The following ZNF560 variants were observed in gnomAD, a reference collection of about 807,000 sequenced individuals.
The protein encoded by ZNF560 is zinc finger protein 560.
A neutral mutation model predicts 81.8 loss-of-function variants in ZNF560; 54 were observed. The observed-to-expected ratio is 0.66, with a 90% CI of 0.53 to 0.83. The LOEUF is 0.83. Among genes scored for constraint, ZNF560 ranks in the 40% least tolerant of loss-of-function variants. ZNF560 has a pLI of 0.00. For missense variants in ZNF560, 940 were observed against 932.4 expected (o/e 1.01, Z -0.11); for synonymous variants, 321 against 317.9 (o/e 1.01, Z -0.10).
chr19:9,481,622 C>T (rs2073290430), intron 2 of ZNF560, among the ~76,000 whole-genome samples: 4 of 152,154 alleles, frequency 2.6e-5, no homozygotes, highest in African/African-American at 9.7e-5. Context: ...AGGACATGAA[C>T]AGACACTTTT....
intron 8 of ZNF560, 124 bp from the exon 9 acceptor site, chr19:9,469,311 TAG>T: frequency 4.3e-6 from 3 of 701,496 alleles, no homozygotes; most frequent in Non-Finnish European, 7.1e-6. Context: ...GGTCAAGTTT[TAG>T]TAATTTTTAA....
At chr19:9,460,164 G>A in the ZNF560 span, among the ~76,000 whole-genome samples, 1 of 152,234 alleles carries the variant, frequency 6.6e-6, no homozygotes, top group African/African-American at 2.4e-5. Flanking sequence ...CGAGGAAGAG[G>A]TTTTGGGAGG....
In ZNF560 at chr19:9,498,600, G is replaced by C. The variant is rs2073600717; in HGVS notation, c.-207C>G. 2 of 152,308 alleles carry C rather than the reference G, an allele frequency of 1.3e-5. No individual in the cohort carries two copies. The highest frequency in any genetic ancestry group is 2.4e-5 in the African/African-American group (1 of 41,458). 9.4% of individuals were successfully genotyped at this position (152,308 alleles called of 1,614,324 possible). A position where few individuals can be genotyped will look rare whatever the true frequency, so the allele number is the denominator to read the frequency against. On this transcript the variant is annotated 5_prime_UTR_variant, in exon 1 of 10. Coordinates refer to ENST00000301480, the MANE Select transcript of ZNF560 (RefSeq NM_152476.3). ...TGGCTCTGAGGAAACAGGCGCCAGC[G>C]ACCAAAAGAGAGAACTGGCGCGCCG...
At chr19:9,462,902 T>C (rs911512231), downstream of ZNF560, among the ~76,000 whole-genome samples, 1 of 152,168 alleles carries the variant, frequency 6.6e-6, no homozygotes, top group Non-Finnish European at 1.5e-5. Context: ...TTCAATAAAT[T>C]CTTAAGCCAT....
At chr19:9,489,309 C>T (rs1231266364) in intron 2 of ZNF560, among the ~76,000 whole-genome samples, 6 of 151,634 alleles carry the variant, frequency 4.0e-5, no homozygotes, top group African/African-American at 1.5e-4. Context: ...AGGCACTCCT[C>T]ACTTCCTAGA....
downstream of ZNF560, among the ~76,000 whole-genome samples, chr19:9,465,921 G>T (rs541966493): frequency 1.1e-4 from 16 of 152,180 alleles, no homozygotes; most frequent in African/African-American, 3.9e-4. Context: ...TTGAACCCAG[G>T]AGGCGGAGGT....
chr19:9,483,515 G>A (rs1158941966), intron 2 of ZNF560, among the ~76,000 whole-genome samples: 20 of 147,030 alleles, frequency 1.4e-4, no homozygotes, highest in Admixed American at 5.4e-4. Context: ...CCGGCCAGCC[G>A]CCCCGTCCGG....
At chr19:9,501,266 TC>T (rs1254544026), upstream of ZNF560, among the ~76,000 whole-genome samples, 2 of 141,206 alleles carry the variant, frequency 1.4e-5, no homozygotes, top group Non-Finnish European at 3.1e-5. Flanking sequence ...GCTCAAGCCA[TC>T]CTCCCACCTC....
chr19:9,477,201 A>G lies in ZNF560; in HGVS notation c.-56-1832T>C, dbSNP rs980649550. Reference sequence around the variant, plus strand: ...ACATTACATATATATACACATACATATGTGCATATACATATATACATATAT... The same window carrying G: ...ACATTACATATATATACACATACATGTGTGCATATACATATATACATATAT... On this transcript the variant is annotated intron_variant, in intron 2 of 9. Coordinates refer to ENST00000301480, the MANE Select transcript of ZNF560 (RefSeq NM_152476.3). 6.0e-4 allele frequency among the ~76,000 whole-genome samples: 91 copies of G among 152,314 alleles called. 1 individual carries two copies. The highest frequency in any genetic ancestry group is 2.1e-3 in the African/African-American group (89 of 41,538).
rs747673039 is a variant in ZNF560, at chr19:9,475,291, C to A, written c.23G>T (p.Cys8Phe). MAYCLTN[C>F]YQYSVTFEDT... The stretch of plus-strand genomic sequence containing the variant: ...TATACATTTTCTGCATACCTGATAA[C>A]AATTTGTCAGGCAGTAAGCCATCTT... The change falls in exon 3 of 10, where the codon TGT (cysteine) becomes TTT (phenylalanine). Residue 8 changes from cysteine (C) to phenylalanine (F), a missense_variant. By Grantham distance (205) the Cys-to-Phe change is radical. Coordinates refer to ENST00000301480, the MANE Select transcript of ZNF560 (RefSeq NM_152476.3). The A allele has an allele frequency of 6.2e-7, 1 of 1,613,702 alleles. No homozygotes were observed. Among genetic ancestry groups the A allele is most frequent in the Non-Finnish European group, 8.5e-7 (1 of 1,179,952 alleles).
the ZNF560 span, among the ~76,000 whole-genome samples, chr19:9,446,108 C>T: frequency 2.0e-5 from 3 of 152,132 alleles, no homozygotes; most frequent in Non-Finnish European, 4.4e-5. Context: ...CCATGTTGGT[C>T]ATGATGTGTG....
intron 2 of ZNF560, among the ~76,000 whole-genome samples, chr19:9,494,091 C>T (rs2073516332): frequency 6.8e-6 from 1 of 146,680 alleles, no homozygotes; most frequent in African/African-American, 2.6e-5. Flanking sequence ...GAGATCACAC[C>T]ACCACTCCCA....
chr19:9,468,411 G>A (rs2073068688), intron 9 of ZNF560, 77 bp from the exon 10 acceptor site: 3 of 1,155,124 alleles, frequency 2.6e-6, no homozygotes, highest in Non-Finnish European at 2.4e-6. Flanking sequence ...TAAGAAACAT[G>A]ATAATTATTA....
chr19:9,477,753 CCTTT>C (rs766669736), intron 2 of ZNF560, among the ~76,000 whole-genome samples: 9 of 152,194 alleles, frequency 5.9e-5, no homozygotes, highest in South Asian at 2.1e-4. Context: ...TCCCTTCCTT[CCTTT>C]ATGGTTCTTA....
Position 9,467,478 on chromosome 19 carries a change from C to A in ZNF560, c.1469G>T (p.Cys490Phe). Residue 490 changes from cysteine to phenylalanine, a missense_variant, in exon 10 of 10, where the codon TGT (cysteine) becomes TTT (phenylalanine). By Grantham distance (205) the Cys-to-Phe change is radical. Coordinates refer to ENST00000301480, the MANE Select transcript of ZNF560 (RefSeq NM_152476.3). ...RSNTGQKRFD[C>F]DQCGKVFVSF... The stretch of plus-strand genomic sequence containing the variant: ...AACAAAGACTTTCCCACACTGGTCA[C>A]AATCAAAGCGTTTCTGTCCTGTGTT... The A allele has an allele frequency of 6.2e-7, 1 of 1,614,076 alleles. No homozygotes were observed.
At chr19:9,461,556 G>A (rs2072931888), downstream of ZNF560, among the ~76,000 whole-genome samples, 1 of 152,184 alleles carries the variant, frequency 6.6e-6, no homozygotes, top group Non-Finnish European at 1.5e-5. Flanking sequence ...AGTGCAGACA[G>A]CAGATTTTGT....
chr19:9,472,555 G>A (rs1180385510), intron 5 of ZNF560, among the ~76,000 whole-genome samples: 1 of 152,174 alleles, frequency 6.6e-6, no homozygotes, highest in Non-Finnish European at 1.5e-5. Context: ...CTCCTTTTGA[G>A]AATCTAATGC....
chr19:9,474,408 G>A (rs2073168078), intron 3 of ZNF560, 83 bp from the exon 4 acceptor site: 3 of 1,469,816 alleles, frequency 2.0e-6, no homozygotes, highest in Non-Finnish European at 1.8e-6. Flanking sequence ...AGACCCCAAT[G>A]CCTATAAAGA....
At chr19:9,465,076 T>C (rs1040040744), downstream of ZNF560, among the ~76,000 whole-genome samples, 1 of 150,880 alleles carries the variant, frequency 6.6e-6, no homozygotes, top group African/African-American at 2.4e-5. Flanking sequence ...ACATCTTACA[T>C]AAAAAGGGTT....
Sources: allele counts gnomAD v4.1 joint callset (sites outside exome capture counted in the v4.1 genomes callset), GRCh38; gene constraint gnomAD v4.1.1; transcripts MANE v1.5; gene names NCBI Gene and HGNC (gene_info 2026-07-23, HGNC 2026-07-21).